The following LRSAM1 variants were observed in gnomAD, a reference collection of about 807,000 sequenced individuals.
LRSAM1 encodes E3 ubiquitin-protein ligase LRSAM1.
Under a neutral mutation model 118.1 loss-of-function variants are expected in LRSAM1, and 96 were observed. The ratio of observed to expected loss-of-function variants is 0.81; its 90% CI spans 0.69 to 0.96. The LOEUF is 0.96. LRSAM1 is among the 40% of genes least tolerant of loss of function. The pLI, the probability that LRSAM1 is intolerant of heterozygous loss-of-function variation, is 0.00. For missense variants in LRSAM1, 804 were observed against 915.5 expected, an observed-to-expected ratio of 0.88 and a Z score of 1.57; for synonymous variants, 322 against 364.2, an observed-to-expected ratio of 0.88 and a Z score of 1.32.
At chr9:127,479,612 G>A in intron 13 of LRSAM1, 107 bp downstream of exon 13, 5 of 1,520,446 alleles carry the variant, frequency 3.3e-6, no homozygotes, top group South Asian at 1.2e-5. Flanking sequence ...GGATGAAGCT[G>A]TCACTTCCTT....
Position 127,493,752 on chromosome 9 carries a change from G to A in LRSAM1, c.1599+855G>A, listed in dbSNP as rs1836020566. ...GGTTTGACACTGGCACATTTTCAGC[G>A]TGGCAGAGGCCCCCTTGAGAGTGTC... On this transcript the variant is annotated intron_variant, in intron 21 of 25. Coordinates refer to ENST00000300417, the MANE Select transcript of LRSAM1 (RefSeq NM_001005373.4). Among the ~76,000 whole-genome samples the A allele has an allele frequency of 2.6e-5, 4 of 152,130 alleles. No individual in the cohort carries two copies. In the South Asian group the frequency reaches 8.3e-4, roughly 32 times the overall value.
intron 7 of LRSAM1, among the ~76,000 whole-genome samples, chr9:127,460,933 G>T (rs1373530840): frequency 7.9e-6 from 1 of 126,154 alleles, no homozygotes; most frequent in Non-Finnish European, 1.6e-5. Flanking sequence ...TCAGCTCACC[G>T]CAACCTCTGC....
At chr9:127,458,327 A>G (rs1269465576) in intron 6 of LRSAM1, among the ~76,000 whole-genome samples, 1 of 151,456 alleles carries the variant, frequency 6.6e-6, no homozygotes. Context: ...GCTTGCAGTG[A>G]GCCGAGATTG....
chr9:127,503,140 G>A lies in LRSAM1; in HGVS notation c.*241G>A, dbSNP rs1836462096. The A allele has an allele frequency of 5.3e-6, 3 of 565,760 alleles. No homozygotes were observed. The highest frequency in any genetic ancestry group is 2.0e-5 in the South Asian group (1 of 50,310). The allele number at this position is 565,760 out of a possible 1,614,324, so 35.0% of individuals were successfully genotyped here. A position where few individuals can be genotyped will look rare whatever the true frequency, so the allele number is the denominator to read the frequency against. On this transcript the variant is annotated 3_prime_UTR_variant, in exon 26 of 26. Coordinates refer to ENST00000300417, the MANE Select transcript of LRSAM1 (RefSeq NM_001005373.4). ...GGGGGCTGGGGCTGGAGAGGCCGCTGCACCACCACCCGAGCCTGGGAGCCA... is the reference window on the plus strand; with the variant it reads ...GGGGGCTGGGGCTGGAGAGGCCGCTACACCACCACCCGAGCCTGGGAGCCA...
At chr9:127,456,801 G>C (rs1198728510) in intron 5 of LRSAM1, among the ~76,000 whole-genome samples, 2 of 151,900 alleles carry the variant, frequency 1.3e-5, no homozygotes, top group Non-Finnish European at 2.9e-5. Context: ...GGGAGGCGGA[G>C]GTTGCAGTGA....
chr9:127,476,659 G>A (rs571465507), intron 11 of LRSAM1, among the ~76,000 whole-genome samples: 3 of 152,030 alleles, frequency 2.0e-5, no homozygotes, highest in Admixed American at 6.6e-5. Flanking sequence ...GCGAATTTTC[G>A]AGGGTGATGG....
intron 11 of LRSAM1, among the ~76,000 whole-genome samples, chr9:127,477,769 C>T (rs1054075170): frequency 8.6e-5 from 13 of 151,498 alleles, no homozygotes; most frequent in Admixed American, 4.0e-4. Flanking sequence ...TTGTGTGGGC[C>T]GGGCGCAGTG....
chr9:127,501,057 G>A lies in LRSAM1; in HGVS notation c.1960G>A (p.Glu654Lys). 1.2e-6 allele frequency: 2 copies of A among 1,614,034 alleles called. No individual in the cohort carries two copies. The highest frequency in any genetic ancestry group is 1.7e-6 in the Non-Finnish European group (2 of 1,180,028). Residue 654 changes from glutamate to lysine, a missense_variant, in exon 25 of 26, where the codon GAG becomes AAG. Coordinates refer to ENST00000300417, the MANE Select transcript of LRSAM1 (RefSeq NM_001005373.4). Reference protein sequence around the residue: ...GEVVTPTAPQEPPESVRPSAP... With the variant: ...GEVVTPTAPQKPPESVRPSAP... The stretch of plus-strand genomic sequence containing the variant: ...GGTCGTCACCCCTACGGCCCCCCAG[G>A]AGCCTCCTGAGTCTGTGAGGCCATC...
chr9:127,457,810 T>G (rs748949441), intron 6 of LRSAM1, among the ~76,000 whole-genome samples: 1 of 152,132 alleles, frequency 6.6e-6, no homozygotes, highest in Non-Finnish European at 1.5e-5. Context: ...AGGGTTGTTA[T>G]GCGCAGACCT....
At chr9:127,479,086 C>T in intron 12 of LRSAM1, 123 bp downstream of exon 12, 1 of 1,004,100 alleles carries the variant, frequency 1.0e-6, no homozygotes, top group Non-Finnish European at 1.5e-6. Context: ...TAATGCCTTC[C>T]TCTTACACGC....
intron 9 of LRSAM1, among the ~76,000 whole-genome samples, chr9:127,467,360 G>C (rs952743101): frequency 6.6e-6 from 1 of 152,230 alleles, no homozygotes; most frequent in Non-Finnish European, 1.5e-5. Context: ...CCCAGGAGCT[G>C]CTGGTGCAGC....
chr9:127,496,092 C>A lies in LRSAM1; in HGVS notation c.1827C>A (p.Ala609=). The stretch of plus-strand genomic sequence containing the variant: ...GCCAAATGAGCCCAGGGGACCTGGC[C>A]AAGGTGGGCAGCAGCCGTCTGCATG... ...LLSQMSPGDL[A]KVGVSEAGLQ... is the part of the protein sequence containing the mutation. The change falls in exon 23 of 26, where the codon GCC becomes GCA. Residue 609 remains alanine (A), a synonymous_variant. Coordinates refer to ENST00000300417, the MANE Select transcript of LRSAM1 (RefSeq NM_001005373.4). The A allele has an allele frequency of 6.2e-7, 1 of 1,609,300 alleles. No individual in the cohort carries two copies. The highest frequency in any genetic ancestry group is 8.5e-7 in the Non-Finnish European group (1 of 1,179,988).
intron 21 of LRSAM1, among the ~76,000 whole-genome samples, chr9:127,493,849 G>A (rs1008354388): frequency 6.6e-6 from 1 of 152,210 alleles, no homozygotes; most frequent in Non-Finnish European, 1.5e-5. Flanking sequence ...GGAAAAGACC[G>A]AGTCGTTCCT....
chr9:127,494,866 G>C (rs1159849191), intron 21 of LRSAM1, among the ~76,000 whole-genome samples: 5 of 152,192 alleles, frequency 3.3e-5, no homozygotes, highest in Non-Finnish European at 7.3e-5. Context: ...GACAGAGCAA[G>C]AGTCCATCTC....
chr9:127,491,294 A>G lies in LRSAM1; in HGVS notation c.1502A>G (p.Gln501Arg), dbSNP rs1169649843. Residue 501 changes from glutamine to arginine, a missense_variant and splice_region_variant, in exon 20 of 26, where the codon CAG (glutamine) becomes CGG (arginine). Coordinates refer to ENST00000300417, the MANE Select transcript of LRSAM1 (RefSeq NM_001005373.4). ...KRKSLDTESL[Q>R]EMISEQRWAL... Reference sequence around the variant, plus strand: ...AAGTCCCTGGACACAGAGTCACTCCAGGTATGTAGGGCTCCCTGCCCCTGC... The same window carrying G: ...AAGTCCCTGGACACAGAGTCACTCCGGGTATGTAGGGCTCCCTGCCCCTGC... 6.2e-7 allele frequency: 1 copy of G among 1,613,008 alleles called. No individual in the cohort carries two copies. The highest frequency in any genetic ancestry group is 8.5e-7 in the Non-Finnish European group (1 of 1,179,426).
chr9:127,467,026 G>A (rs534506320), intron 9 of LRSAM1, among the ~76,000 whole-genome samples: 6 of 152,262 alleles, frequency 3.9e-5, no homozygotes, highest in Admixed American at 3.9e-4. Context: ...GCTTGCTGCT[G>A]TTGTAACCAA....
At chr9:127,483,911 C>G (rs2132075497) in intron 16 of LRSAM1, among the ~76,000 whole-genome samples, 1 of 151,818 alleles carries the variant, frequency 6.6e-6, no homozygotes, top group Middle Eastern at 3.4e-3. Context: ...GATCGCCTGC[C>G]TCAACCTCCT....
chr9:127,473,067 G>A (rs566181269), intron 10 of LRSAM1, among the ~76,000 whole-genome samples: 7 of 152,148 alleles, frequency 4.6e-5, no homozygotes, highest in Non-Finnish European at 1.0e-4. Context: ...TCTGCTAATC[G>A]GATGGATAAC....
intron 6 of LRSAM1, among the ~76,000 whole-genome samples, chr9:127,458,529 G>C (rs1035810068): frequency 6.6e-6 from 1 of 152,140 alleles, no homozygotes; most frequent in Non-Finnish European, 1.5e-5. Flanking sequence ...GCAGTGAGCT[G>C]AGGTCGTGCC....
Sources: allele counts gnomAD v4.1 joint callset (sites outside exome capture counted in the v4.1 genomes callset), GRCh38; gene constraint gnomAD v4.1.1; transcripts MANE v1.5; gene names NCBI Gene and HGNC (gene_info 2026-07-23, HGNC 2026-07-21).